The following ARHGAP15 variants were observed in gnomAD, a reference collection of about 807,000 sequenced individuals.
The protein encoded by ARHGAP15 is Rho GTPase activating protein 15, also known as rho GTPase-activating protein 15.
A neutral mutation model predicts 63.7 loss-of-function variants in ARHGAP15; 51 were observed. The observed-to-expected ratio is 0.80, with a 90% confidence interval of 0.64 to 1.01. The LOEUF (loss-of-function observed/expected upper bound fraction) is 1.01, where lower values mean the gene tolerates loss of function less well. Among genes scored for constraint, ARHGAP15 ranks in the 50% least tolerant of loss-of-function variants. ARHGAP15 has a pLI of 0.00. For missense variants in ARHGAP15, 560 were observed against 564.6 expected (o/e 0.99, Z 0.08); for synonymous variants, 191 against 193.8 (o/e 0.99, Z 0.12).
At chr2:143,719,286 TAAAG>T (rs542567692) in intron 13 of ARHGAP15, among the ~76,000 whole-genome samples, 20 of 152,356 alleles carry the variant, frequency 1.3e-4, no homozygotes, top group East Asian at 7.7e-4. Context: ...TACGAAAAGA[TAAAG>T]AAATCACTCC....
chr2:143,265,741 T>G (rs1680956777), intron 6 of ARHGAP15, among the ~76,000 whole-genome samples: 1 of 152,114 alleles, frequency 6.6e-6, no homozygotes, highest in Non-Finnish European at 1.5e-5. Context: ...AACTTTTAGT[T>G]TTTTTCCTTC....
chr2:143,287,696 G>A (rs951466156), intron 6 of ARHGAP15, among the ~76,000 whole-genome samples: 9 of 152,024 alleles, frequency 5.9e-5, no homozygotes, highest in Non-Finnish European at 8.8e-5. Context: ...ATAGCTACTC[G>A]GGAGGGTGAG....
chr2:143,533,054 C>CA, intron 10 of ARHGAP15, among the ~76,000 whole-genome samples: 1 of 152,302 alleles, frequency 6.6e-6, no homozygotes, highest in East Asian at 1.9e-4. Flanking sequence ...GAAGTTTCTT[C>CA]TTGTCTAGAG....
At chr2:143,705,565 C>T (rs1372811792) in intron 13 of ARHGAP15, among the ~76,000 whole-genome samples, 1 of 152,126 alleles carries the variant, frequency 6.6e-6, no homozygotes, top group Non-Finnish European at 1.5e-5. Flanking sequence ...CCAGACACAC[C>T]ATGAAAGCGG....
chr2:143,543,857 C>A (rs1044531178), intron 10 of ARHGAP15, among the ~76,000 whole-genome samples: 5 of 152,056 alleles, frequency 3.3e-5, no homozygotes, highest in African/African-American at 1.2e-4. Context: ...CCAGAGGGTG[C>A]ATACTTCTTT....
At chr2:143,537,683 G>A (rs1694843378) in intron 10 of ARHGAP15, among the ~76,000 whole-genome samples, 1 of 152,100 alleles carries the variant, frequency 6.6e-6, no homozygotes, top group South Asian at 2.1e-4. Flanking sequence ...AAGATCAGAT[G>A]GCTGTAGATA....
intron 12 of ARHGAP15, among the ~76,000 whole-genome samples, chr2:143,687,491 T>G (rs1683403069): frequency 6.6e-6 from 1 of 152,186 alleles, no homozygotes; most frequent in Admixed American, 6.5e-5. Context: ...ATATATAGTC[T>G]AAAGGCATTT....
At chr2:143,744,155 C>T (rs1686070701) in intron 13 of ARHGAP15, among the ~76,000 whole-genome samples, 1 of 152,166 alleles carries the variant, frequency 6.6e-6, no homozygotes, top group Admixed American at 6.5e-5. Context: ...GCAGAACTTA[C>T]TTTTAGGGTG....
rs184028341 is a variant in ARHGAP15 at position 143,534,107 on chromosome 2, C to G, written c.925+14743C>G. Among the ~76,000 whole-genome samples, 8 of 152,258 alleles carry G rather than the reference C, an allele frequency of 5.3e-5. No homozygotes were observed. The South Asian group carries it at 1.2e-3, about 24-fold the overall frequency. Reference sequence around the variant, plus strand: ...TAATCCCCACATGTCAATCGAGAGACGAGGTGGAAGTAATTGAATCCTGGG... The same window carrying G: ...TAATCCCCACATGTCAATCGAGAGAGGAGGTGGAAGTAATTGAATCCTGGG... On this transcript the variant is annotated intron_variant, in intron 10 of 13. Coordinates refer to ENST00000295095, the MANE Select transcript of ARHGAP15 (RefSeq NM_018460.4).
At chr2:143,305,929 C>G (rs549343694) in intron 6 of ARHGAP15, among the ~76,000 whole-genome samples, 17 of 152,066 alleles carry the variant, frequency 1.1e-4, no homozygotes, top group Non-Finnish European at 1.8e-4. Flanking sequence ...ATACTATATT[C>G]TTTAAGATAT....
chr2:143,423,638 G>A (rs954340286), intron 6 of ARHGAP15, among the ~76,000 whole-genome samples: 1 of 152,148 alleles, frequency 6.6e-6, no homozygotes, highest in Non-Finnish European at 1.5e-5. Context: ...TTCCGGAATA[G>A]GCAGTGTCTG....
intron 6 of ARHGAP15, chr2:143,351,385 G>A (rs1000988491): frequency 6.6e-6 from 1 of 152,206 alleles, no homozygotes; most frequent in Non-Finnish European, 1.5e-5. Context: ...AGACCTCAAA[G>A]CTGATTTTCA....
chr2:143,641,653 T>C (rs1401714190), intron 12 of ARHGAP15, among the ~76,000 whole-genome samples: 2 of 152,166 alleles, frequency 1.3e-5, no homozygotes, highest in African/African-American at 4.8e-5. Flanking sequence ...AAGTATGCTA[T>C]AAGGGTATAA....
At chr2:143,387,909 G>GCACA (rs34299102) in intron 6 of ARHGAP15, among the ~76,000 whole-genome samples, 380 of 149,496 alleles carry the variant, frequency 2.5e-3, no homozygotes, top group South Asian at 4.7e-3. Flanking sequence ...ACGCATGCCT[G>GCACA]CACACACACA....
At chr2:143,675,172 C>T (rs1682763672) in intron 12 of ARHGAP15, among the ~76,000 whole-genome samples, 1 of 152,176 alleles carries the variant, frequency 6.6e-6, no homozygotes, top group Non-Finnish European at 1.5e-5. Flanking sequence ...CACTTTCTTT[C>T]TCAACCATTA....
rs894511448 is a variant in ARHGAP15, at chr2:143,251,358, A to G, written c.474+758A>G. ...TAATTTAGTAGAAGAGAGATAGAGT[A>G]TAATAATTATTTTTTAAATTAAATG... On this transcript the variant is annotated intron_variant, in intron 6 of 13. Transcript: ENST00000295095. Among the ~76,000 whole-genome samples, 4 of 152,040 alleles carry G rather than the reference A, an allele frequency of 2.6e-5. No homozygotes were observed. In the South Asian group the frequency reaches 6.2e-4, roughly 24 times the overall value.
chr2:143,219,092 T>A (rs1394334634), intron 4 of ARHGAP15, among the ~76,000 whole-genome samples: 1 of 152,226 alleles, frequency 6.6e-6, no homozygotes, highest in African/African-American at 2.4e-5. Flanking sequence ...TTATGTGTAG[T>A]CATGTGCCAC....
intron 2 of ARHGAP15, among the ~76,000 whole-genome samples, chr2:143,186,141 A>G (rs1359817878): frequency 1.3e-5 from 2 of 152,224 alleles, no homozygotes; most frequent in Non-Finnish European, 2.9e-5. Flanking sequence ...GGGACATAAA[A>G]TTAGTGGTAA....
intron 8 of ARHGAP15, among the ~76,000 whole-genome samples, chr2:143,462,320 C>T (rs1250228994): frequency 6.6e-6 from 1 of 151,896 alleles, no homozygotes; most frequent in Admixed American, 6.6e-5. Flanking sequence ...AAGTTTGCCT[C>T]TACAAAAATG....
Sources: allele counts gnomAD v4.1 joint callset (sites outside exome capture counted in the v4.1 genomes callset), GRCh38; gene constraint gnomAD v4.1.1; transcripts MANE v1.5; gene names NCBI Gene and HGNC (gene_info 2026-07-23, HGNC 2026-07-21).